Variants in SUPT3H observed in about 807,000 individuals in gnomAD.
SUPT3H encodes the protein transcription initiation protein SPT3 homolog.
In SUPT3H, 44 loss-of-function variants were observed where a neutral mutation model predicts 44.3. The ratio of observed to expected loss-of-function variants is 0.99; its 90% CI spans 0.78 to 1.28. The LOEUF (loss-of-function observed/expected upper bound fraction) is 1.28, where lower values mean the gene tolerates loss of function less well. Among genes scored for constraint, SUPT3H ranks in the 50% most tolerant of loss-of-function variants. SUPT3H has a pLI of 0.00. For missense variants in SUPT3H, 380 were observed against 387.1 expected, an observed-to-expected ratio of 0.98 and a Z score of 0.15; for synonymous variants, 124 against 125.6, an observed-to-expected ratio of 0.99 and a Z score of 0.09.
At chr6:45,348,438 A>G (rs1054856829) in intron 2 of SUPT3H, among the ~76,000 whole-genome samples, 1 of 148,120 alleles carries the variant, frequency 6.8e-6, no homozygotes. Context: ...AGGCCGAGGT[A>G]GAAGGCTCAC....
intron 2 of SUPT3H, among the ~76,000 whole-genome samples, chr6:45,168,647 T>C (rs1422824517): frequency 6.6e-6 from 1 of 152,182 alleles, no homozygotes; most frequent in Non-Finnish European, 1.5e-5. Context: ...AAATTACTTA[T>C]AAACCCTGAG....
chr6:45,113,216 GC>G (rs1414067951), intron 2 of SUPT3H, among the ~76,000 whole-genome samples: 1 of 151,796 alleles, frequency 6.6e-6, no homozygotes, highest in African/African-American at 2.4e-5. Context: ...CCAGGCTACA[GC>G]CCTACCATAC....
chr6:45,320,963 T>C (rs1785395856), intron 2 of SUPT3H, among the ~76,000 whole-genome samples: 2 of 151,978 alleles, frequency 1.3e-5, no homozygotes, highest in African/African-American at 2.4e-5. Context: ...TTAAGGCTTT[T>C]ATATATATAT....
chr6:44,834,859 A>G (rs1485976117), intron 10 of SUPT3H, among the ~76,000 whole-genome samples: 1 of 152,054 alleles, frequency 6.6e-6, no homozygotes, highest in Non-Finnish European at 1.5e-5. Flanking sequence ...AAACTGGTGG[A>G]GTTGGCGGAG....
rs542813920 is a variant in SUPT3H, at chr6:45,106,229, C to T, written c.102-223G>A. On this transcript the variant is annotated intron_variant, in intron 2 of 10. Transcript: ENST00000371459. ...GGAGGATCACTTGAGCCCAAGAGTT[C>T]ATGACCAGCCTGCATAACATGGTGA... is the stretch of plus-strand genomic sequence containing the variant. Among the ~76,000 whole-genome samples the T allele has an allele frequency of 4.6e-5, 7 of 152,166 alleles. No homozygotes were observed. In the East Asian group the frequency reaches 1.2e-3, roughly 25 times the overall value.
intron 2 of SUPT3H, among the ~76,000 whole-genome samples, chr6:45,270,289 T>A (rs565933152): frequency 6.6e-6 from 1 of 151,994 alleles, no homozygotes; most frequent in Non-Finnish European, 1.5e-5. Flanking sequence ...TATACACTAT[T>A]AACTATATTA....
rs113358887 is a variant in SUPT3H at position 44,853,147 on chromosome 6, T to C, written c.913-23290A>G. On this transcript the variant is annotated intron_variant, in intron 10 of 10. Coordinates refer to ENST00000371459, the MANE Select transcript of SUPT3H (RefSeq NM_003599.4). ...TTGGGACTATTCTAAGCATTTAACA[T>C]GTATTAACTTATTTAGTCCTTATAA... Among the ~76,000 whole-genome samples the C allele has an allele frequency of 9.0e-3, 1,376 of 152,326 alleles. 14 individuals carry two copies. Among genetic ancestry groups the C allele is most frequent in the South Asian group, 0.028 (137 of 4,830 alleles).
intron 2 of SUPT3H, among the ~76,000 whole-genome samples, chr6:45,285,798 C>T (rs1260640520): frequency 6.6e-6 from 1 of 151,994 alleles, no homozygotes; most frequent in African/African-American, 2.4e-5. Context: ...CAATCCTAAG[C>T]CCAAAAGAAC....
intron 9 of SUPT3H, among the ~76,000 whole-genome samples, chr6:44,933,557 C>A (rs991299957): frequency 6.6e-6 from 1 of 152,080 alleles, no homozygotes; most frequent in Non-Finnish European, 1.5e-5. Context: ...ATTGGGAAAA[C>A]AATTATAATT....
At chr6:45,375,642 CA>C (rs1311858231) in intron 1 of SUPT3H, among the ~76,000 whole-genome samples, 1 of 152,054 alleles carries the variant, frequency 6.6e-6, no homozygotes, top group Non-Finnish European at 1.5e-5. Flanking sequence ...CTCCTAGGTT[CA>C]AGAGATCCTC....
intron 2 of SUPT3H, among the ~76,000 whole-genome samples, chr6:45,114,770 G>A (rs1800596064): frequency 6.6e-6 from 1 of 152,066 alleles, no homozygotes; most frequent in Non-Finnish European, 1.5e-5. Context: ...CCTATTTGAG[G>A]AACAGGAAAG....
At chr6:45,120,911 T>G (rs539845870) in intron 2 of SUPT3H, among the ~76,000 whole-genome samples, 2 of 152,230 alleles carry the variant, frequency 1.3e-5, no homozygotes, top group South Asian at 4.1e-4. Flanking sequence ...AGGCTAAAAT[T>G]TGAACAATAT....
chr6:45,332,082 A>T (rs1787627723), intron 2 of SUPT3H, among the ~76,000 whole-genome samples: 1 of 151,998 alleles, frequency 6.6e-6, no homozygotes, highest in Admixed American at 6.6e-5. Context: ...AATACTTTAA[A>T]GCAGCGCTAA....
At chr6:44,969,900 TAAAG>T (rs775074117) in intron 6 of SUPT3H, among the ~76,000 whole-genome samples, 6 of 152,184 alleles carry the variant, frequency 3.9e-5, no homozygotes, top group Admixed American at 6.5e-5. Context: ...TGAAGTTTCC[TAAAG>T]AAAGAGCTGT....
At chr6:45,131,448 G>C (rs998800545) in intron 2 of SUPT3H, among the ~76,000 whole-genome samples, 1 of 151,610 alleles carries the variant, frequency 6.6e-6, no homozygotes, top group African/African-American at 2.4e-5. Flanking sequence ...AGTATAGATG[G>C]GTTTCTAACA....
rs1157989282 is a variant in SUPT3H at position 45,288,587 on chromosome 6, ATATATATATGTG to A, written c.101+76602_101+76613del. 7.5e-3 allele frequency among the ~76,000 whole-genome samples: 270 copies of A among 36,168 alleles called. 4 individuals are homozygous for A. Among genetic ancestry groups the A allele is most frequent in the African/African-American group, 0.018 (249 of 13,750 alleles). 23.7% of individuals were successfully genotyped at this position (36,168 alleles called of 152,430 possible). ...TATGTATATATATATATATATGTAT[ATATATATATGTG>A]TATATATATATATGTATATATATAT... On this transcript the variant is annotated intron_variant, in intron 2 of 10. Coordinates refer to ENST00000371459, the MANE Select transcript of SUPT3H (RefSeq NM_003599.4).
Position 44,974,055 on chromosome 6 carries a change from A to G in SUPT3H, c.505-12227T>C, listed in dbSNP as rs1357786763. On this transcript the variant is annotated intron_variant, in intron 6 of 10. Transcript: ENST00000371459. ...TGAGTCTTCCTGCTATGGCTCACAT[A>G]TATTAGGTAACTTGTCCAAGGTTGC... Among the ~76,000 whole-genome samples the G allele has an allele frequency of 2.0e-5, 3 of 152,202 alleles. No individual in the cohort carries two copies. The East Asian group carries it at 5.8e-4, about 29-fold the overall frequency.
intron 10 of SUPT3H, among the ~76,000 whole-genome samples, chr6:44,861,333 CCCAAAGGG>C (rs901289307): frequency 6.6e-5 from 10 of 152,078 alleles, no homozygotes; most frequent in African/African-American, 2.4e-4. Flanking sequence ...ACCTCAGCTT[CCCAAAGGG>C]ATTAAAGGCA....
intron 6 of SUPT3H, among the ~76,000 whole-genome samples, chr6:44,963,426 G>A (rs1248056507): frequency 2.0e-5 from 3 of 152,166 alleles, no homozygotes; most frequent in Non-Finnish European, 1.5e-5. Flanking sequence ...GGAGGTGGAG[G>A]TTGCAGTGAG....
Sources: gnomAD v4.1 joint callset for allele counts (sites outside exome capture counted in the v4.1 genomes callset) on GRCh38, gnomAD v4.1.1 for gene constraint, MANE v1.5 for transcripts, NCBI Gene and HGNC (gene_info 2026-07-23, HGNC 2026-07-21) for gene names.